ZMAT4: variants seen among roughly 807,000 people sequenced by gnomAD.
ZMAT4 encodes zinc finger matrin-type 4, also known as zinc finger matrin-type protein 4.
In ZMAT4, 17 loss-of-function variants were observed where a neutral mutation model predicts 28.7. The observed-to-expected ratio is 0.59, with a 90% CI of 0.41 to 0.89. ZMAT4 has a LOEUF of 0.89. Among genes scored for constraint, ZMAT4 ranks in the 40% least tolerant of loss-of-function variants. ZMAT4 has a pLI of 0.00. For synonymous variants in ZMAT4, 117 were observed against 109.2 expected, an observed-to-expected ratio of 1.07 and a Z score of -0.44; for missense variants, 240 against 283.8, an observed-to-expected ratio of 0.85 and a Z score of 1.11.
intron 5 of ZMAT4, among the ~76,000 whole-genome samples, chr8:40,594,336 A>G (rs1805015848): frequency 6.6e-6 from 1 of 152,242 alleles, no homozygotes; most frequent in South Asian, 2.1e-4. Context: ...AAGTGTTGAT[A>G]TGTAGAAAAC....
intron 5 of ZMAT4, among the ~76,000 whole-genome samples, chr8:40,597,044 A>T (rs1805130307): frequency 6.6e-6 from 1 of 152,158 alleles, no homozygotes; most frequent in African/African-American, 2.4e-5. Flanking sequence ...TGTTTTTAGG[A>T]TTTAAGATTA....
In ZMAT4 at chr8:40,728,320, C is replaced by T. The variant is rs114386196; in HGVS notation, c.193-30919G>A. Among the ~76,000 whole-genome samples, 974 of 152,296 alleles carry T rather than the reference C, an allele frequency of 6.4e-3. 12 individuals are homozygous for T. The highest frequency in any genetic ancestry group is 0.022 in the African/African-American group (928 of 41,564). On this transcript the variant is annotated intron_variant, in intron 3 of 6. Transcript: ENST00000297737. The stretch of plus-strand genomic sequence containing the variant: ...AAGTGATGCTAACCACTGAAACAAA[C>T]AAACTCTAATACTTCCGTACCTTAA...
At chr8:40,788,404 G>A (rs182457940) in intron 2 of ZMAT4, among the ~76,000 whole-genome samples, 86 of 152,206 alleles carry the variant, frequency 5.7e-4, no homozygotes, top group Middle Eastern at 3.4e-3. Flanking sequence ...CTAACATGGC[G>A]AAACCCTGTC....
chr8:40,576,544 A>C (rs1004431682), intron 6 of ZMAT4, among the ~76,000 whole-genome samples: 2 of 151,990 alleles, frequency 1.3e-5, no homozygotes, highest in African/African-American at 4.8e-5. Flanking sequence ...AAAAAAAAAA[A>C]AACTGTCAGT....
chr8:40,796,652 C>T (rs72641538), intron 2 of ZMAT4, among the ~76,000 whole-genome samples: 5,195 of 152,274 alleles, frequency 0.034, 138 homozygotes, highest in Non-Finnish European at 0.052. Context: ...TTTCCCTCCC[C>T]GGCTCCGCCC....
intron 4 of ZMAT4, among the ~76,000 whole-genome samples, chr8:40,680,689 A>G (rs916479957): frequency 7.0e-6 from 1 of 143,762 alleles, no homozygotes; most frequent in Non-Finnish European, 1.5e-5. Context: ...CTCTGTCTCT[A>G]CATGTCTAAT....
chr8:40,824,812 T>G (rs1815974541), intron 2 of ZMAT4, among the ~76,000 whole-genome samples: 1 of 151,988 alleles, frequency 6.6e-6, no homozygotes, highest in African/African-American at 2.4e-5. Flanking sequence ...CTAGTATATG[T>G]TCTTTTGAAA....
At chr8:40,556,228 G>A (rs1416123615) in intron 6 of ZMAT4, among the ~76,000 whole-genome samples, 1 of 152,034 alleles carries the variant, frequency 6.6e-6, no homozygotes, top group Non-Finnish European at 1.5e-5. Context: ...CTCAAATCTT[G>A]TATTTCCACC....
intron 2 of ZMAT4, among the ~76,000 whole-genome samples, chr8:40,783,987 G>A (rs1813954730): frequency 6.6e-6 from 1 of 152,086 alleles, no homozygotes; most frequent in Non-Finnish European, 1.5e-5. Context: ...CTCCAGCCCT[G>A]GCAACAAGAG....
chr8:40,697,224 G>A (rs776536285), intron 4 of ZMAT4, 21 bp downstream of exon 4: 39 of 1,575,984 alleles, frequency 2.5e-5, no homozygotes, highest in Non-Finnish European at 2.7e-5. Context: ...GTCTCCCCAC[G>A]ATCACTGTTC....
chr8:40,676,031 GTAAAAAT>G (rs1808892801), intron 4 of ZMAT4, among the ~76,000 whole-genome samples: 1 of 152,172 alleles, frequency 6.6e-6, no homozygotes, highest in South Asian at 2.1e-4. Flanking sequence ...CTAATGGAAA[GTAAAAAT>G]AACTTTTCTA....
At chr8:40,798,911 C>T (rs1278275332) in intron 2 of ZMAT4, among the ~76,000 whole-genome samples, 1 of 151,914 alleles carries the variant, frequency 6.6e-6, no homozygotes, top group Non-Finnish European at 1.5e-5. Flanking sequence ...TTGGAAGGGG[C>T]TTTTTTCAGG....
At chr8:40,771,534 G>T (rs1207099073) in intron 2 of ZMAT4, among the ~76,000 whole-genome samples, 1 of 152,144 alleles carries the variant, frequency 6.6e-6, no homozygotes, top group Non-Finnish European at 1.5e-5. Flanking sequence ...GATCAGAAAT[G>T]CTGTTAATGT....
intron 2 of ZMAT4, among the ~76,000 whole-genome samples, chr8:40,802,981 G>A (rs1814917820): frequency 6.6e-6 from 1 of 152,138 alleles, no homozygotes; most frequent in Non-Finnish European, 1.5e-5. Flanking sequence ...AAAAGAGTAT[G>A]TTCAACAAAT....
At chr8:40,601,494 A>AAAGAAAGAAAGAAAGC (rs1220602089) in intron 5 of ZMAT4, among the ~76,000 whole-genome samples, 2 of 82,224 alleles carry the variant, frequency 2.4e-5, no homozygotes, top group Non-Finnish European at 3.4e-5. Flanking sequence ...AGAAAGAAAG[A>AAAGAAAGAAAGAAAGC]GAGAAAGAAA....
At position 40,767,734 on chromosome 8, in the gene ZMAT4, G is replaced by A; in HGVS notation, c.103-4C>T. 1.2e-6 allele frequency: 2 copies of A among 1,610,440 alleles called. No homozygotes were observed. The highest frequency in any genetic ancestry group is 1.7e-6 in the Non-Finnish European group (2 of 1,178,656). On this transcript the variant is annotated splice_polypyrimidine_tract_variant and splice_region_variant and intron_variant, in intron 2 of 6. Transcript: ENST00000297737. ...CTTTGCTTGCATGTTTTCGACTCTG[G>A]GAAGGAAAAGCATAAGCAGATACTG...
chr8:40,693,780 C>T (rs1294374921), intron 4 of ZMAT4, among the ~76,000 whole-genome samples: 1 of 152,186 alleles, frequency 6.6e-6, no homozygotes, highest in Non-Finnish European at 1.5e-5. Flanking sequence ...AACATGCACC[C>T]ATCTGGAGAA....
At chr8:40,674,352 C>A in intron 5 of ZMAT4, 1 of 194,772 alleles carries the variant, frequency 5.1e-6, no homozygotes, top group Non-Finnish European at 1.0e-5. Flanking sequence ...CCTCAGCCTC[C>A]CATTCAGCAT....
intron 5 of ZMAT4, among the ~76,000 whole-genome samples, chr8:40,621,692 C>T (rs1011474711): frequency 6.6e-6 from 1 of 152,154 alleles, no homozygotes; most frequent in Admixed American, 6.5e-5. Flanking sequence ...CTTTGAAGGT[C>T]GCTGGGAAAT....
Sources: allele counts gnomAD v4.1 joint callset (sites outside exome capture counted in the v4.1 genomes callset), GRCh38; gene constraint gnomAD v4.1.1; transcripts MANE v1.5; gene names NCBI Gene and HGNC (gene_info 2026-07-23, HGNC 2026-07-21).